DNAJC1: variants seen among roughly 807,000 people sequenced by gnomAD.
The protein encoded by DNAJC1 is dnaJ homolog subfamily C member 1.
In DNAJC1, 58 loss-of-function variants were observed where a neutral mutation model predicts 76.6. The observed-to-expected ratio is 0.76, with a 90% confidence interval of 0.61 to 0.94. The LOEUF is 0.94. DNAJC1 is among the 40% of genes least tolerant of loss of function. The pLI is 0.00. For synonymous variants in DNAJC1, 258 were observed against 267.9 expected, an observed-to-expected ratio of 0.96 and a Z score of 0.36; for missense variants, 689 against 677.3, an observed-to-expected ratio of 1.02 and a Z score of -0.19.
intron 10 of DNAJC1, among the ~76,000 whole-genome samples, chr10:21,763,727 T>C (rs1196667037): frequency 6.6e-6 from 1 of 152,216 alleles, no homozygotes; most frequent in Non-Finnish European, 1.5e-5. Context: ...ATGGTTGCCT[T>C]CCACCTTATA....
intron 1 of DNAJC1, among the ~76,000 whole-genome samples, chr10:21,942,593 T>C (rs1388004617): frequency 1.3e-5 from 2 of 151,660 alleles, no homozygotes; most frequent in Admixed American, 1.3e-4. Flanking sequence ...GATCACGAGG[T>C]AAGGAGATCG....
intron 1 of DNAJC1, among the ~76,000 whole-genome samples, chr10:21,981,540 C>G (rs1564844174): frequency 1.3e-5 from 2 of 152,050 alleles, no homozygotes; most frequent in African/African-American, 2.4e-5. Flanking sequence ...TTGAGCCTAA[C>G]AGATAAGCTC....
At chr10:21,838,797 A>G (rs1835518632) in intron 8 of DNAJC1, among the ~76,000 whole-genome samples, 1 of 152,162 alleles carries the variant, frequency 6.6e-6, no homozygotes, top group South Asian at 2.1e-4. Flanking sequence ...CAGAATATAC[A>G]TTCTTTTCAG....
At chr10:21,808,828 C>T (rs1215363369) in intron 8 of DNAJC1, among the ~76,000 whole-genome samples, 1 of 152,212 alleles carries the variant, frequency 6.6e-6, no homozygotes, top group Non-Finnish European at 1.5e-5. Flanking sequence ...AAATATTCAT[C>T]TCTACAGTAA....
intron 9 of DNAJC1, among the ~76,000 whole-genome samples, chr10:21,767,675 G>A (rs1182621785): frequency 2.6e-5 from 4 of 152,156 alleles, no homozygotes; most frequent in Non-Finnish European, 5.9e-5. Flanking sequence ...AAAAATCTCT[G>A]CCTATGTAAC....
intron 3 of DNAJC1, among the ~76,000 whole-genome samples, chr10:21,923,197 T>C (rs1837065396): frequency 6.6e-6 from 1 of 151,992 alleles, no homozygotes. Flanking sequence ...AGGATTAAGC[T>C]TAGAATCAAT....
At position 21,881,444 on chromosome 10, in the gene DNAJC1, C is replaced by T. The variant is rs1836275761; in HGVS notation, c.978+838G>A. Among the ~76,000 whole-genome samples the T allele has an allele frequency of 2.0e-5, 3 of 152,116 alleles. No homozygotes were observed. The South Asian group carries it at 6.2e-4, about 32-fold the overall frequency. On this transcript the variant is annotated intron_variant, in intron 8 of 11. Transcript: ENST00000376980. Reference sequence around the variant, plus strand: ...AATCATTTTTATGTAAAGTGATACACATGCAACTCTTCCTTCTACTTGAAC... The same window carrying T: ...AATCATTTTTATGTAAAGTGATACATATGCAACTCTTCCTTCTACTTGAAC...
At chr10:21,892,588 C>T (rs1354807664) in intron 7 of DNAJC1, among the ~76,000 whole-genome samples, 1 of 151,800 alleles carries the variant, frequency 6.6e-6, no homozygotes, top group Non-Finnish European at 1.5e-5. Flanking sequence ...CATATAAACA[C>T]ATGGTTTTTC....
chr10:21,843,337 G>GACTTCTAA (rs778267510), intron 8 of DNAJC1, among the ~76,000 whole-genome samples: 59 of 151,164 alleles, frequency 3.9e-4, no homozygotes, highest in Middle Eastern at 3.5e-3. Context: ...ATGCAGTGCT[G>GACTTCTAA]ACTTCTAATA....
intron 10 of DNAJC1, among the ~76,000 whole-genome samples, chr10:21,765,810 C>A (rs931664943): frequency 2.0e-5 from 3 of 151,938 alleles, no homozygotes; most frequent in Admixed American, 2.0e-4. Context: ...CGCCACTGCA[C>A]GCTAGCCTGG....
At chr10:21,940,775 A>G (rs1486394233) in intron 1 of DNAJC1, among the ~76,000 whole-genome samples, 1 of 152,162 alleles carries the variant, frequency 6.6e-6, no homozygotes, top group African/African-American at 2.4e-5. Flanking sequence ...GGGGGAATTG[A>G]GTTGGCAGGA....
intron 5 of DNAJC1, among the ~76,000 whole-genome samples, 192 bp downstream of exon 5, chr10:21,919,640 G>GA (rs1244863348): frequency 6.6e-6 from 1 of 151,800 alleles, no homozygotes; most frequent in Admixed American, 6.6e-5. Context: ...TTATATGGGG[G>GA]AAAAAACCTG....
At chr10:21,813,570 T>C (rs1306846107) in intron 8 of DNAJC1, among the ~76,000 whole-genome samples, 1 of 151,986 alleles carries the variant, frequency 6.6e-6, no homozygotes, top group Non-Finnish European at 1.5e-5. Flanking sequence ...TAATTTTTTT[T>C]GTATTTTTAG....
intron 7 of DNAJC1, among the ~76,000 whole-genome samples, chr10:21,900,476 T>G (rs1255535139): frequency 6.6e-6 from 1 of 152,208 alleles, no homozygotes; most frequent in East Asian, 1.9e-4. Context: ...TGCATTATAT[T>G]TGTACATACA....
At chr10:21,911,081 A>C (rs184616650) in intron 6 of DNAJC1, among the ~76,000 whole-genome samples, 3 of 124,458 alleles carry the variant, frequency 2.4e-5, no homozygotes, top group Admixed American at 7.9e-5. Flanking sequence ...GGAAGGAAGG[A>C]AGGAAGGCGG....
chr10:21,915,472 C>T (rs925154892), intron 6 of DNAJC1, among the ~76,000 whole-genome samples: 2 of 152,234 alleles, frequency 1.3e-5, no homozygotes, highest in Non-Finnish European at 2.9e-5. Flanking sequence ...GAATCTCCCA[C>T]TTTTAGCTTG....
chr10:21,926,425 T>C (rs1291314017), intron 3 of DNAJC1, among the ~76,000 whole-genome samples: 1 of 152,178 alleles, frequency 6.6e-6, no homozygotes, highest in African/African-American at 2.4e-5. Flanking sequence ...ATTTCCCAAA[T>C]TACCAATTCC....
At chr10:21,899,448 C>G (rs528326153) in intron 7 of DNAJC1, among the ~76,000 whole-genome samples, 69 of 152,330 alleles carry the variant, frequency 4.5e-4, no homozygotes, top group African/African-American at 1.6e-3. Flanking sequence ...GAGACAGGAC[C>G]TGGGGCAAGG....
intron 1 of DNAJC1, among the ~76,000 whole-genome samples, chr10:21,961,826 TG>T (rs1837796858): frequency 6.6e-6 from 1 of 152,194 alleles, no homozygotes; most frequent in Non-Finnish European, 1.5e-5. Context: ...CTGAAGTCAC[TG>T]GGACCTGACG....
Sources: gnomAD v4.1 joint callset for allele counts (sites outside exome capture counted in the v4.1 genomes callset) on GRCh38, gnomAD v4.1.1 for gene constraint, MANE v1.5 for transcripts, NCBI Gene and HGNC (gene_info 2026-07-23, HGNC 2026-07-21) for gene names.